The following GRIPAP1 variants were observed in gnomAD, a reference collection of about 807,000 sequenced individuals.
GRIPAP1 encodes GRIP1-associated protein 1.
A neutral mutation model predicts 84.1 loss-of-function variants in GRIPAP1; 14 were observed. The ratio of observed to expected loss-of-function variants is 0.17; its 90% CI spans 0.11 to 0.26. The LOEUF (loss-of-function observed/expected upper bound fraction) is 0.26, where lower values mean the gene tolerates loss of function less well. Ranked by LOEUF, GRIPAP1 falls within the 10% of genes least tolerant of loss-of-function variation. GRIPAP1 has a pLI of 1.00. For synonymous variants in GRIPAP1, 261 were observed against 256.8 expected, an observed-to-expected ratio of 1.02 and a Z score of -0.15; for missense variants, 518 against 674.2, an observed-to-expected ratio of 0.77 and a Z score of 2.57.
chrX:48,999,400 C>T (rs1220087761), intron 2 of GRIPAP1, 38 bp downstream of exon 2: 14 of 1,144,785 alleles, frequency 1.2e-5, no homozygotes, highest in Non-Finnish European at 1.7e-5. Context: ...CACCATTCCC[C>T]AAAGCCACCC....
chrX:48,999,231 GA>G lies in GRIPAP1; in HGVS notation c.171+6del. On this transcript the variant is annotated splice_donor_region_variant and intron_variant, in intron 3 of 25. Coordinates refer to ENST00000376423, the MANE Select transcript of GRIPAP1 (RefSeq NM_020137.5). ...GGGTAGGTGGATGGGTGGGTGGAGG[GA>G]GGTACCTTCTGAGCTTTGCTGAACT... 8.4e-7 allele frequency: 1 copy of G among 1,191,274 alleles called. No homozygotes were observed. The highest frequency in any genetic ancestry group is 1.1e-6 in the Non-Finnish European group (1 of 877,275).
Position 48,991,968 on chromosome X carries a change from T to G in GRIPAP1, c.458-858A>C, listed in dbSNP as rs143109110. ...CCTCCCAAGTAGCTGGGACTACAAGTGCACACCATGCCCAGTTAATTTTAT... is the reference window on the plus strand; with the variant it reads ...CCTCCCAAGTAGCTGGGACTACAAGGGCACACCATGCCCAGTTAATTTTAT... On this transcript the variant is annotated intron_variant, in intron 6 of 25. Transcript: ENST00000376423. Among the ~76,000 whole-genome samples the G allele has an allele frequency of 7.9e-3, 884 of 112,068 alleles. 7 individuals are homozygous for G. The highest frequency in any genetic ancestry group is 0.027 in the African/African-American group (822 of 30,967).
Position 48,974,077 on chromosome X carries a change from G to A in GRIPAP1, c.*116C>T. Reference sequence around the variant, plus strand: ...CCATCAGGCCTCTAGCCCCTTTAATGTCCAGTCTCCCAAGCTATTTGATTT... The same window carrying A: ...CCATCAGGCCTCTAGCCCCTTTAATATCCAGTCTCCCAAGCTATTTGATTT... On this transcript the variant is annotated 3_prime_UTR_variant, in exon 26 of 26. Transcript: ENST00000376423. The A allele has an allele frequency of 2.1e-6, 1 of 479,761 alleles. No homozygotes were observed. The highest frequency in any genetic ancestry group is 3.7e-6 in the Non-Finnish European group (1 of 271,618). The allele number at this position is 479,761 out of a possible 1,213,427, so 39.5% of individuals were successfully genotyped here.
chrX:49,001,595 A>T (rs1489019985), intron 1 of GRIPAP1, among the ~76,000 whole-genome samples: 2 of 109,638 alleles, frequency 1.8e-5, no homozygotes, highest in African/African-American at 6.7e-5. Context: ...GCCTAATGGG[A>T]TCACCCTTAA....
At chrX:48,988,243 G>A (rs1557064524) in intron 11 of GRIPAP1, 45 bp from the exon 12 acceptor site, 1 of 930,779 alleles carries the variant, frequency 1.1e-6, no homozygotes, top group South Asian at 2.1e-5. Flanking sequence ...GCCTCTCCTG[G>A]GGTGCATATA....
chrX:48,987,954 G>GAC (rs781921365), intron 12 of GRIPAP1, 77 bp from the exon 13 acceptor site: 27,369 of 339,710 alleles, frequency 0.081, 876 homozygotes, highest in East Asian at 0.12. Context: ...AGAAAGAAAG[G>GAC]ACACACACAC....
intron 10 of GRIPAP1, 28 bp from the exon 11 acceptor site, chrX:48,989,738 G>T: frequency 8.9e-7 from 1 of 1,128,277 alleles, no homozygotes; most frequent in South Asian, 1.8e-5. Flanking sequence ...GGGGTGTGTT[G>T]GACATGGCTT....
chrX:48,993,674 T>C, intron 5 of GRIPAP1, 96 bp from the exon 6 acceptor site: 2 of 614,809 alleles, frequency 3.3e-6, no homozygotes, highest in Non-Finnish European at 4.6e-6. Context: ...ACAATTCACT[T>C]AATTCCCATA....
chrX:48,974,201 T>C lies in GRIPAP1; in HGVS notation c.2518A>G (p.Thr840Ala), dbSNP rs145488775. 7 of 1,194,654 alleles carry C rather than the reference T, an allele frequency of 5.9e-6. No individual in the cohort carries two copies. The African/African-American group carries it at 1.2e-4, about 21-fold the overall frequency. ...GTGCAGCCTGCAGGTCTTTAGCTGG[T>C]TTCTCCTGGCTCTAGGTCTGGGTCA... is the stretch of plus-strand genomic sequence containing the variant. ...PPDPDLEPGETS is the reference protein window; with the variant it reads ...PPDPDLEPGEAS Residue 840 changes from threonine (T) to alanine (A), a missense_variant, in exon 26 of 26, where the codon ACC (threonine) becomes GCC (alanine). Thr to Ala is a moderately conservative substitution (Grantham distance 58). Around this residue, in one of 5 missense-constraint regions of GRIPAP1, gnomAD observed 30 missense variants for 23.8 expected, o/e 1.26. Coordinates refer to ENST00000376423, the MANE Select transcript of GRIPAP1 (RefSeq NM_020137.5).
intron 11 of GRIPAP1, chrX:48,988,515 G>A (rs2064504503): frequency 7.7e-6 from 2 of 258,747 alleles, no homozygotes; most frequent in African/African-American, 2.7e-5. Context: ...TAGCTTGGGA[G>A]CTCCAGGATT....
chrX:48,998,268 TG>T (rs1239760144), intron 3 of GRIPAP1, 88 bp from the exon 4 acceptor site: 3 of 645,580 alleles, frequency 4.6e-6, no homozygotes, highest in Non-Finnish European at 5.0e-6. Context: ...CCAAGCGTTT[TG>T]GGAGGACAAG....
At chrX:48,983,538 C>G in intron 15 of GRIPAP1, 98 bp from the exon 16 acceptor site, 1 of 681,052 alleles carries the variant, frequency 1.5e-6, no homozygotes, top group Non-Finnish European at 2.3e-6. Context: ...AAACTCCACT[C>G]CCTCCCATCC....
rs782795892 is a variant in GRIPAP1 at position 48,974,208 on chromosome X, T to G, written c.2511A>C (p.Pro837=). Residue 837 remains proline (P), a synonymous_variant, in exon 26 of 26, where the codon CCA becomes CCC. Transcript: ENST00000376423. Reference sequence around the variant, plus strand: ...CTGCAGGTCTTTAGCTGGTTTCTCCTGGCTCTAGGTCTGGGTCAGGAGGCC... The same window carrying G: ...CTGCAGGTCTTTAGCTGGTTTCTCCGGGCTCTAGGTCTGGGTCAGGAGGCC... The part of the protein sequence containing the change: ...CVGPPDPDLE[P]GETS The G allele has an allele frequency of 8.3e-7, 1 of 1,203,134 alleles. No individual in the cohort carries two copies. The highest frequency in any genetic ancestry group is 1.1e-6 in the Non-Finnish European group (1 of 887,880).
chrX:48,990,946 C>T lies in GRIPAP1; in HGVS notation c.622G>A (p.Glu208Lys), dbSNP rs2064516355. The part of the protein sequence containing the change: ...MEKEEKRLLW[E>K]QLQGLESSKQ... ...TTCACCTCTAAGCCTTGCAGCTGTT[C>T]CCAGAGCAATCTCTTCTCCTCTTTC... is the stretch of plus-strand genomic sequence containing the variant. Residue 208 changes from glutamate to lysine, a missense_variant, in exon 7 of 26, where the codon GAA becomes AAA. Glu to Lys is a moderately conservative substitution (Grantham distance 56, BLOSUM62 1). Transcript: ENST00000376423. 2 of 1,165,314 alleles carry T rather than the reference C, an allele frequency of 1.7e-6. No homozygotes were observed. Among genetic ancestry groups the T allele is most frequent in the Admixed American group, 5.1e-5 (2 of 38,855 alleles).
intron 21 of GRIPAP1, 23 bp downstream of exon 21, chrX:48,981,192 C>T (rs1557061993): frequency 8.6e-7 from 1 of 1,169,307 alleles, no homozygotes; most frequent in Non-Finnish European, 1.2e-6. Context: ...CCTCAGCCTC[C>T]TCTCCCTGTC....
intron 6 of GRIPAP1, among the ~76,000 whole-genome samples, chrX:48,991,899 C>T (rs2064522604): frequency 9.0e-6 from 1 of 111,692 alleles, no homozygotes; most frequent in Non-Finnish European, 1.9e-5. Flanking sequence ...TGCAGTGGTG[C>T]AATCATAGCT....
chrX:48,993,584 C>T lies in GRIPAP1; in HGVS notation c.307-6G>A, dbSNP rs1557066100. The stretch of plus-strand genomic sequence containing the variant: ...TGTTCCATCTGGCTGCAGAGCTGAA[C>T]AGAGGAAGAGAAGGGGCAGAGAAGC... On this transcript the variant is annotated splice_region_variant and splice_polypyrimidine_tract_variant and intron_variant, in intron 5 of 25. Coordinates refer to ENST00000376423, the MANE Select transcript of GRIPAP1 (RefSeq NM_020137.5). 8.9e-7 allele frequency: 1 copy of T among 1,128,422 alleles called. No individual in the cohort carries two copies. The highest frequency in any genetic ancestry group is 2.1e-5 in the South Asian group (1 of 46,702). The allele number at this position is 1,128,422 out of a possible 1,213,427, so 93.0% of individuals were successfully genotyped here.
At chrX:48,987,612 G>A (rs2064497826) in intron 13 of GRIPAP1, among the ~76,000 whole-genome samples, 173 bp downstream of exon 13, 1 of 105,155 alleles carries the variant, frequency 9.5e-6, no homozygotes, top group Non-Finnish European at 2.0e-5. Context: ...AAAAAAAAAA[G>A]TAGGGATGGA....
chrX:48,974,677 G>C (rs1464808318), intron 25 of GRIPAP1, among the ~76,000 whole-genome samples: 1 of 112,025 alleles, frequency 8.9e-6, no homozygotes, highest in Non-Finnish European at 1.9e-5. Flanking sequence ...AAAGATGTGT[G>C]TGTGGACCCA....
Sources: gnomAD v4.1 joint callset for allele counts (sites outside exome capture counted in the v4.1 genomes callset) on GRCh38, gnomAD v4.1.1 for gene constraint, gnomAD v4.1.1 regional missense constraint, MANE v1.5 for transcripts, NCBI Gene and HGNC (gene_info 2026-07-23, HGNC 2026-07-21) for gene names.